ADGRV1: variants seen among roughly 807,000 people sequenced by gnomAD.
ADGRV1 encodes the protein G-protein coupled receptor 98.
In ADGRV1, 359 loss-of-function variants were observed where a neutral mutation model predicts 596.2. The ratio of observed to expected loss-of-function variants is 0.60; its 90% CI spans 0.55 to 0.66. The LOEUF is 0.66. Among genes scored for constraint, ADGRV1 ranks in the 30% least tolerant of loss-of-function variants. The pLI is 0.00. For missense variants in ADGRV1, 7,274 were observed against 7,575.6 expected, an observed-to-expected ratio of 0.96 and a Z score of 1.48; for synonymous variants, 2,681 against 2,679.2, an observed-to-expected ratio of 1.00 and a Z score of -0.02.
intron 42 of ADGRV1, among the ~76,000 whole-genome samples, chr5:90,715,552 A>G (rs914059201): frequency 6.6e-6 from 1 of 152,178 alleles, no homozygotes; most frequent in Admixed American, 6.6e-5. Context: ...TGTCTGCCAC[A>G]GTTATACATT....
intron 43 of ADGRV1, among the ~76,000 whole-genome samples, chr5:90,718,909 C>G (rs1377501376): frequency 2.0e-5 from 3 of 151,782 alleles, no homozygotes; most frequent in Non-Finnish European, 4.4e-5. Context: ...AATTTTTTAA[C>G]CGACATAACT....
At chr5:91,041,916 C>G (rs919296893) in intron 85 of ADGRV1, among the ~76,000 whole-genome samples, 6 of 152,104 alleles carry the variant, frequency 3.9e-5, no homozygotes, top group African/African-American at 1.2e-4. Flanking sequence ...TTTTCCTTAT[C>G]TATATTTAAG....
At chr5:90,669,420 A>G (rs1772101605) in intron 21 of ADGRV1, among the ~76,000 whole-genome samples, 1 of 152,196 alleles carries the variant, frequency 6.6e-6, no homozygotes, top group Non-Finnish European at 1.5e-5. Context: ...CACAGAACTT[A>G]TGGAAAAGAT....
intron 17 of ADGRV1, among the ~76,000 whole-genome samples, chr5:90,649,681 G>C (rs1768309763): frequency 6.6e-6 from 1 of 152,084 alleles, no homozygotes; most frequent in African/African-American, 2.4e-5. Flanking sequence ...TAGAGACGGG[G>C]TTTCATCGTG....
rs562488301 is a variant in ADGRV1, at chr5:90,654,585, T to C, written c.4378+633T>C. The C allele has an allele frequency of 1.1e-4, 17 of 154,948 alleles. No homozygotes were observed. In the South Asian group the frequency reaches 3.4e-3, roughly 31 times the overall value. 9.6% of individuals were successfully genotyped at this position (154,948 alleles called of 1,614,324 possible). A position where few individuals can be genotyped will look rare whatever the true frequency, so the allele number is the denominator to read the frequency against. Reference sequence around the variant, plus strand: ...TGTGTGTGCACACAAATACTGGTTATATGCATTATAGTCACCATTCCCTCT... The same window carrying C: ...TGTGTGTGCACACAAATACTGGTTACATGCATTATAGTCACCATTCCCTCT... On this transcript the variant is annotated intron_variant, in intron 20 of 89. Transcript: ENST00000405460.
chr5:90,623,389 A>G (rs1764339316), intron 5 of ADGRV1, among the ~76,000 whole-genome samples: 1 of 152,082 alleles, frequency 6.6e-6, no homozygotes, highest in Non-Finnish European at 1.5e-5. Flanking sequence ...AAATTATTTA[A>G]TATGTTGTCT....
At chr5:90,741,190 C>T (rs867902454) in intron 50 of ADGRV1, among the ~76,000 whole-genome samples, 11 of 152,292 alleles carry the variant, frequency 7.2e-5, no homozygotes, top group Middle Eastern at 3.4e-3. Context: ...CTCCCAGTCC[C>T]CAGCCACCTT....
intron 77 of ADGRV1, among the ~76,000 whole-genome samples, chr5:90,835,475 G>C (rs1764897727): frequency 6.6e-6 from 1 of 152,166 alleles, no homozygotes; most frequent in African/African-American, 2.4e-5. Context: ...ACTGCCACTG[G>C]GATTGTGCTA....
chr5:91,111,548 T>C (rs188053385), intron 87 of ADGRV1, among the ~76,000 whole-genome samples: 1 of 152,222 alleles, frequency 6.6e-6, no homozygotes, highest in East Asian at 1.9e-4. Context: ...CTGCTTCCTT[T>C]TGAGGATAAA....
At chr5:91,090,933 G>C (rs191509392) in intron 86 of ADGRV1, among the ~76,000 whole-genome samples, 1 of 152,146 alleles carries the variant, frequency 6.6e-6, no homozygotes, top group Non-Finnish European at 1.5e-5. Flanking sequence ...GAATCAAAGT[G>C]TGTCATACAT....
chr5:90,964,679 C>T (rs557270528), intron 83 of ADGRV1, among the ~76,000 whole-genome samples: 9 of 149,584 alleles, frequency 6.0e-5, no homozygotes, highest in East Asian at 5.9e-4. Flanking sequence ...AAACAGTCAA[C>T]GATCCTGTCT....
intron 85 of ADGRV1, among the ~76,000 whole-genome samples, chr5:91,071,028 T>C (rs1788342918): frequency 6.6e-6 from 1 of 152,168 alleles, no homozygotes; most frequent in Admixed American, 6.5e-5. Context: ...CGCTTTCTTA[T>C]TAGCTCCCTA....
rs1362346999 is a variant in ADGRV1 at position 90,704,437 on chromosome 5, C to A, written c.8335C>A (p.Pro2779Thr). ...LFVHLLDDNI[P>T]EEKEVYQVIL... The stretch of plus-strand genomic sequence containing the variant: ...TGTGCATTTGTTGGATGACAACATT[C>A]CTGAGGAGAAAGAAGTATACCAAGT... Residue 2779 changes from proline (P) to threonine (T), a missense_variant, in exon 36 of 90, where the codon CCT becomes ACT. Transcript: ENST00000405460. The A allele has an allele frequency of 6.3e-7, 1 of 1,582,650 alleles. No homozygotes were observed. The highest frequency in any genetic ancestry group is 1.8e-5 in the Admixed American group (1 of 56,082).
chr5:90,932,328 A>G (rs1428228096), intron 83 of ADGRV1, among the ~76,000 whole-genome samples: 2 of 152,114 alleles, frequency 1.3e-5, no homozygotes, highest in Non-Finnish European at 2.9e-5. Flanking sequence ...TCTGTTTCCC[A>G]GGGTGTCCCG....
At chr5:90,583,014 A>G (rs191017545) in intron 1 of ADGRV1, among the ~76,000 whole-genome samples, 3 of 152,346 alleles carry the variant, frequency 2.0e-5, no homozygotes, top group Admixed American at 2.0e-4. Flanking sequence ...AAACTTATCT[A>G]GGATTTATTT....
intron 1 of ADGRV1, among the ~76,000 whole-genome samples, chr5:90,581,120 C>T (rs1176320509): frequency 2.0e-5 from 3 of 152,156 alleles, no homozygotes; most frequent in South Asian, 4.1e-4. Flanking sequence ...TTTAAAGTCT[C>T]CTCTACACTG....
Position 90,683,580 on chromosome 5 carries a change from T to G in ADGRV1, c.5665-6T>G. ...TTAATAGATTTTAATATTAAGTATT[T>G]TGTAGGTTATAAGACATCATGGAAC... On this transcript the variant is annotated splice_region_variant and splice_polypyrimidine_tract_variant and intron_variant, in intron 27 of 89. Transcript: ENST00000405460. 1.3e-6 allele frequency: 2 copies of G among 1,569,214 alleles called. No homozygotes were observed. The highest frequency in any genetic ancestry group is 1.7e-6 in the Non-Finnish European group (2 of 1,151,462).
intron 21 of ADGRV1, among the ~76,000 whole-genome samples, chr5:90,661,291 T>A (rs1333569161): frequency 6.6e-6 from 1 of 152,234 alleles, no homozygotes; most frequent in Non-Finnish European, 1.5e-5. Context: ...TTATTTTTTA[T>A]AACTAATACT....
At position 91,102,301 on chromosome 5, in the gene ADGRV1, C is replaced by A; in HGVS notation, c.18393C>A (p.Phe6131Leu). 1 of 1,607,700 alleles carries A rather than the reference C, an allele frequency of 6.2e-7. No individual in the cohort carries two copies. The highest frequency in any genetic ancestry group is 1.1e-5 in the South Asian group (1 of 89,844). The part of the protein sequence containing the change: ...WGGLHMAYRH[F>L]WMLVLFVIFN... The stretch of plus-strand genomic sequence containing the variant: ...GACTACACATGGCCTACAGACACTT[C>A]TGGATGTTGGTTCTCTTTGTCATTT... The change falls in exon 87 of 90, where the codon TTC (phenylalanine) becomes TTA (leucine). Residue 6131 changes from phenylalanine (F) to leucine (L), a missense_variant. By Grantham distance (22) the Phe-to-Leu change is conservative. Transcript: ENST00000405460.
Sources: allele counts gnomAD v4.1 joint callset (sites outside exome capture counted in the v4.1 genomes callset), GRCh38; gene constraint gnomAD v4.1.1; transcripts MANE v1.5; gene names NCBI Gene and HGNC (gene_info 2026-07-23, HGNC 2026-07-21).